GPC5: variants seen among roughly 807,000 people sequenced by gnomAD.
The protein encoded by GPC5 is glypican-5.
A neutral mutation model predicts 53.9 loss-of-function variants in GPC5; 47 were observed. The observed-to-expected ratio is 0.87, with a 90% CI of 0.69 to 1.11. GPC5 has a LOEUF of 1.11. Ranked by LOEUF, GPC5 falls within the 50% of genes most tolerant of loss-of-function variation. The probability of loss-of-function intolerance (pLI) is 0.00; values close to 1 mark genes in which losing one functional copy is unlikely to be tolerated. For missense variants in GPC5, 748 were observed against 713.1 expected, an observed-to-expected ratio of 1.05 and a Z score of -0.56; for synonymous variants, 286 against 263.3, an observed-to-expected ratio of 1.09 and a Z score of -0.84.
At chr13:92,772,728 C>T (rs564055806) in intron 7 of GPC5, among the ~76,000 whole-genome samples, 1 of 152,184 alleles carries the variant, frequency 6.6e-6, no homozygotes, top group Non-Finnish European at 1.5e-5. Context: ...ATTTCCAATG[C>T]CTAAAGAGTT....
intron 6 of GPC5, among the ~76,000 whole-genome samples, chr13:92,026,551 T>C (rs1481264272): frequency 1.3e-5 from 2 of 151,704 alleles, no homozygotes; most frequent in African/African-American, 4.8e-5. Context: ...TACAGAGCCA[T>C]GCAAATAATG....
chr13:91,772,089 A>C (rs1267477607), intron 5 of GPC5, among the ~76,000 whole-genome samples: 2 of 152,170 alleles, frequency 1.3e-5, no homozygotes, highest in African/African-American at 4.8e-5. Context: ...GCCCAATCTG[A>C]TTCTCATAGC....
chr13:92,336,945 C>G (rs2043327854), intron 7 of GPC5, among the ~76,000 whole-genome samples: 1 of 152,058 alleles, frequency 6.6e-6, no homozygotes, highest in South Asian at 2.1e-4. Flanking sequence ...AGCGGAATTG[C>G]CTTTTATAAA....
chr13:92,603,718 T>C (rs2139084889), intron 7 of GPC5, among the ~76,000 whole-genome samples: 1 of 152,302 alleles, frequency 6.6e-6, no homozygotes, highest in South Asian at 2.1e-4. Flanking sequence ...TGTGTTACAT[T>C]TGAAGTGAGT....
In GPC5 at chr13:92,467,181, G is replaced by C. The variant is rs1030018271; in HGVS notation, c.1561+322192G>C. Reference sequence around the variant, plus strand: ...TGTTTGAACATCATAAGACTGCTTAGAGAGCTAATAAGGACCTGGAAATAT... The same window carrying C: ...TGTTTGAACATCATAAGACTGCTTACAGAGCTAATAAGGACCTGGAAATAT... On this transcript the variant is annotated intron_variant, in intron 7 of 7. Coordinates refer to ENST00000377067, the MANE Select transcript of GPC5 (RefSeq NM_004466.6). 5.9e-5 allele frequency among the ~76,000 whole-genome samples: 9 copies of C among 152,214 alleles called. No homozygotes were observed. In the East Asian group the frequency reaches 1.7e-3, roughly 29 times the overall value.
chr13:92,715,399 G>A (rs957354007), intron 7 of GPC5, among the ~76,000 whole-genome samples: 1 of 152,102 alleles, frequency 6.6e-6, no homozygotes, highest in Non-Finnish European at 1.5e-5. Flanking sequence ...CTTTTCCAGC[G>A]TGAGCTCTAA....
chr13:91,949,919 A>G (rs1379884578), intron 6 of GPC5, among the ~76,000 whole-genome samples: 1 of 152,168 alleles, frequency 6.6e-6, no homozygotes, highest in African/African-American at 2.4e-5. Flanking sequence ...GCTAACAGGA[A>G]CCTCTTGGCT....
At chr13:92,016,750 C>T (rs2040711132) in intron 6 of GPC5, among the ~76,000 whole-genome samples, 1 of 147,396 alleles carries the variant, frequency 6.8e-6, no homozygotes, top group Non-Finnish European at 1.5e-5. Context: ...TCTTTTGAGC[C>T]AGAGTTTTGC....
intron 1 of GPC5, among the ~76,000 whole-genome samples, chr13:91,401,295 T>TA (rs775976980): frequency 0.034 from 4,872 of 143,944 alleles, 267 homozygotes; most frequent in African/African-American, 0.11. Flanking sequence ...CTCATCTCTC[T>TA]AAAAAAAAAA....
At chr13:91,691,224 C>T (rs978629011) in intron 2 of GPC5, among the ~76,000 whole-genome samples, 1 of 152,170 alleles carries the variant, frequency 6.6e-6, no homozygotes, top group African/African-American at 2.4e-5. Context: ...GAATATTTTA[C>T]ACGTATTTGC....
At chr13:91,619,800 G>C (rs2033803137) in intron 2 of GPC5, among the ~76,000 whole-genome samples, 1 of 152,102 alleles carries the variant, frequency 6.6e-6, no homozygotes, top group East Asian at 1.9e-4. Flanking sequence ...TTCTTTTCCA[G>C]TCTGATCTAT....
intron 7 of GPC5, among the ~76,000 whole-genome samples, chr13:92,742,819 C>A (rs1185595389): frequency 6.6e-6 from 1 of 152,084 alleles, no homozygotes; most frequent in African/African-American, 2.4e-5. Flanking sequence ...GTTTTCCCAG[C>A]ACCATTTATT....
chr13:92,469,502 G>A (rs1310272395), intron 7 of GPC5, among the ~76,000 whole-genome samples: 2 of 152,074 alleles, frequency 1.3e-5, no homozygotes, highest in Non-Finnish European at 2.9e-5. Flanking sequence ...CATATGGTTA[G>A]CATTATGATT....
chr13:92,562,223 ATC>A (rs1882721828), intron 7 of GPC5, among the ~76,000 whole-genome samples: 1 of 151,924 alleles, frequency 6.6e-6, no homozygotes, highest in Non-Finnish European at 1.5e-5. Flanking sequence ...GCCTCAGAAA[ATC>A]TCTTATGAAT....
intron 7 of GPC5, among the ~76,000 whole-genome samples, chr13:92,302,638 G>A (rs967977223): frequency 2.0e-5 from 3 of 152,140 alleles, no homozygotes; most frequent in African/African-American, 7.2e-5. Context: ...CTATTTTGTT[G>A]TATAGGAATA....
intron 7 of GPC5, among the ~76,000 whole-genome samples, chr13:92,201,645 G>A (rs2139061359): frequency 6.6e-6 from 1 of 152,230 alleles, no homozygotes; most frequent in Non-Finnish European, 1.5e-5. Flanking sequence ...CCCACAAGTT[G>A]ATGAAGCTAT....
intron 7 of GPC5, among the ~76,000 whole-genome samples, chr13:92,585,940 G>C (rs1883524621): frequency 6.6e-6 from 1 of 152,188 alleles, no homozygotes; most frequent in Non-Finnish European, 1.5e-5. Flanking sequence ...GCAACTGTAA[G>C]TCCAGTTAAA....
intron 2 of GPC5, among the ~76,000 whole-genome samples, chr13:91,638,526 C>T (rs530657998): frequency 8.5e-5 from 13 of 152,078 alleles, no homozygotes; most frequent in African/African-American, 2.7e-4. Context: ...CCACCATACT[C>T]GGCTAATTTT....
chr13:92,712,205 A>G (rs1452333876), intron 7 of GPC5, among the ~76,000 whole-genome samples: 1 of 152,062 alleles, frequency 6.6e-6, no homozygotes, highest in African/African-American at 2.4e-5. Context: ...GGACATTGTT[A>G]CAGTGATTCT....
Sources: gnomAD v4.1 joint callset for allele counts (sites outside exome capture counted in the v4.1 genomes callset) on GRCh38, gnomAD v4.1.1 for gene constraint, MANE v1.5 for transcripts, NCBI Gene and HGNC (gene_info 2026-07-23, HGNC 2026-07-21) for gene names.